CDKAL1: variants seen among roughly 807,000 people sequenced by gnomAD.
The protein encoded by CDKAL1 is threonylcarbamoyladenosine tRNA methylthiotransferase.
Under a neutral mutation model 68.2 loss-of-function variants are expected in CDKAL1, and 32 were observed. The ratio of observed to expected loss-of-function variants is 0.47; its 90% CI spans 0.35 to 0.63. The LOEUF (loss-of-function observed/expected upper bound fraction) is 0.63. Ranked by LOEUF, CDKAL1 falls within the 30% of genes least tolerant of loss-of-function variation. CDKAL1 has a pLI of 0.00. For synonymous variants in CDKAL1, 234 were observed against 244.3 expected (o/e 0.96, Z 0.39); for missense variants, 606 against 696.7 (o/e 0.87, Z 1.47).
chr6:20,767,471 A>T (rs186580032), intron 7 of CDKAL1, among the ~76,000 whole-genome samples: 2,817 of 151,720 alleles, frequency 0.019, 28 homozygotes, highest in Non-Finnish European at 0.029. Context: ...TTTTTTTTTA[A>T]AAAAACAAAG....
chr6:20,913,824 A>C (rs1238284181), intron 9 of CDKAL1, among the ~76,000 whole-genome samples: 1 of 152,162 alleles, frequency 6.6e-6, no homozygotes, highest in Admixed American at 6.5e-5. Context: ...CTAAAAAATA[A>C]TAATAAATAA....
chr6:20,907,352 G>A (rs1561874745), intron 9 of CDKAL1, among the ~76,000 whole-genome samples: 1 of 152,158 alleles, frequency 6.6e-6, no homozygotes, highest in African/African-American at 2.4e-5. Flanking sequence ...AGCCCAGGAG[G>A]TAGAGGCTGC....
At chr6:21,006,503 G>A (rs1430478766) in intron 11 of CDKAL1, among the ~76,000 whole-genome samples, 1 of 152,138 alleles carries the variant, frequency 6.6e-6, no homozygotes, top group Non-Finnish European at 1.5e-5. Context: ...CACTAAGGTC[G>A]TGTTCACTGT....
chr6:20,746,513 G>A (rs751932951), intron 6 of CDKAL1, among the ~76,000 whole-genome samples: 3 of 152,148 alleles, frequency 2.0e-5, no homozygotes, highest in African/African-American at 7.2e-5. Flanking sequence ...ACTGCTGTCA[G>A]CTTCCCCACA....
At chr6:20,585,875 A>G (rs958310747) in intron 4 of CDKAL1, among the ~76,000 whole-genome samples, 5 of 151,526 alleles carry the variant, frequency 3.3e-5, no homozygotes, top group Non-Finnish European at 4.4e-5. Context: ...TTTTTTTGGA[A>G]CCCTGGGCTC....
rs575969897 is a variant in CDKAL1, at chr6:20,627,981, G to T, written c.287-21312G>T. 3.9e-5 allele frequency among the ~76,000 whole-genome samples: 6 copies of T among 152,074 alleles called. No individual in the cohort carries two copies. The East Asian group carries it at 1.2e-3, about 29-fold the overall frequency. ...AGTCACTTTATTCTAGGAGTTTTTT[G>T]TTGTTGTTGTTGTAAATTCCTTGGG... On this transcript the variant is annotated intron_variant, in intron 4 of 15. Coordinates refer to ENST00000274695, the MANE Select transcript of CDKAL1 (RefSeq NM_017774.3).
rs193294428 is a variant in CDKAL1 at position 20,600,787 on chromosome 6, T to C, written c.287-48506T>C. Among the ~76,000 whole-genome samples, 272 of 146,950 alleles carry C rather than the reference T, an allele frequency of 1.9e-3. 2 individuals are homozygous for C. Among genetic ancestry groups the C allele is most frequent in the African/African-American group, 5.9e-3 (235 of 39,780 alleles). ...ATATGTATACATATATATATATATA[T>C]ACACACACACACATGAATGATAAAT... On this transcript the variant is annotated intron_variant, in intron 4 of 15. Coordinates refer to ENST00000274695, the MANE Select transcript of CDKAL1 (RefSeq NM_017774.3).
At position 21,058,817 on chromosome 6, in the gene CDKAL1, T is replaced by A. The variant is rs528422661; in HGVS notation, c.1056-6231T>A. ...CCTCTTTTCCAGAGTGACAGCGACC[T>A]AATGCCAGGGGGCATGCTCCTGTAT... is the stretch of plus-strand genomic sequence containing the variant. On this transcript the variant is annotated intron_variant, in intron 11 of 15. Coordinates refer to ENST00000274695, the MANE Select transcript of CDKAL1 (RefSeq NM_017774.3). 9.2e-5 allele frequency among the ~76,000 whole-genome samples: 14 copies of A among 152,324 alleles called. 1 individual carries two copies. In the South Asian group the frequency reaches 2.9e-3, roughly 32 times the overall value.
chr6:20,859,542 C>G (rs1759507241), intron 9 of CDKAL1, among the ~76,000 whole-genome samples: 1 of 152,214 alleles, frequency 6.6e-6, no homozygotes, highest in Non-Finnish European at 1.5e-5. Context: ...AATGCCAGTT[C>G]TGTCACCACT....
chr6:20,871,062 G>C (rs1019154722), intron 9 of CDKAL1, among the ~76,000 whole-genome samples: 1 of 152,096 alleles, frequency 6.6e-6, no homozygotes, highest in African/African-American at 2.4e-5. Context: ...ACAATTCCAA[G>C]GTACTTATTG....
chr6:20,862,242 C>T (rs2150525192), intron 9 of CDKAL1, among the ~76,000 whole-genome samples: 1 of 152,290 alleles, frequency 6.6e-6, no homozygotes, highest in African/African-American at 2.4e-5. Context: ...TTACAGTTTA[C>T]AGCCTAGCAT....
chr6:21,112,400 A>G (rs1774164601), intron 13 of CDKAL1, among the ~76,000 whole-genome samples: 2 of 152,242 alleles, frequency 1.3e-5, no homozygotes. Context: ...AACACAGTTA[A>G]TCTGCATGAA....
chr6:21,145,147 T>C (rs1776106554), intron 13 of CDKAL1, among the ~76,000 whole-genome samples: 1 of 152,192 alleles, frequency 6.6e-6, no homozygotes, highest in African/African-American at 2.4e-5. Flanking sequence ...TCACAGCCTT[T>C]ATTTCCAGGC....
intron 11 of CDKAL1, 85 bp from the exon 12 acceptor site, chr6:21,064,963 A>G (rs1771351664): frequency 3.7e-6 from 3 of 809,074 alleles, no homozygotes; most frequent in Admixed American, 3.8e-5. Flanking sequence ...TTTAATTACC[A>G]TAAAATTGTA....
At chr6:20,627,790 G>C (rs1767497584) in intron 4 of CDKAL1, among the ~76,000 whole-genome samples, 1 of 152,128 alleles carries the variant, frequency 6.6e-6, no homozygotes, top group Non-Finnish European at 1.5e-5. Flanking sequence ...TTAGCATGTA[G>C]ATCCTGTGTA....
intron 7 of CDKAL1, among the ~76,000 whole-genome samples, chr6:20,771,772 T>A (rs185970562): frequency 3.7e-4 from 57 of 152,204 alleles, no homozygotes; most frequent in African/African-American, 1.3e-3. Flanking sequence ...GTCCCCTTCG[T>A]GTCTTTTCTT....
intron 4 of CDKAL1, among the ~76,000 whole-genome samples, chr6:20,585,601 CTTTG>C (rs1394678127): frequency 1.3e-5 from 2 of 152,124 alleles, no homozygotes; most frequent in African/African-American, 2.4e-5. Flanking sequence ...CTTATATAGT[CTTTG>C]TTTGTTAGCA....
At chr6:20,658,999 T>A (rs1769160307) in intron 5 of CDKAL1, among the ~76,000 whole-genome samples, 1 of 151,360 alleles carries the variant, frequency 6.6e-6, no homozygotes, top group African/African-American at 2.4e-5. Flanking sequence ...TTATTATTAT[T>A]ATTTTTTTTT....
At chr6:20,752,436 A>G (rs951526553) in intron 6 of CDKAL1, among the ~76,000 whole-genome samples, 2 of 152,174 alleles carry the variant, frequency 1.3e-5, no homozygotes, top group South Asian at 2.1e-4. Context: ...CTGTGTGACC[A>G]TCAGGGTCTC....
Sources: allele counts gnomAD v4.1 joint callset (sites outside exome capture counted in the v4.1 genomes callset), GRCh38; gene constraint gnomAD v4.1.1; transcripts MANE v1.5; gene names NCBI Gene and HGNC (gene_info 2026-07-23, HGNC 2026-07-21).